Variants in SNAP25 observed in about 807,000 individuals in gnomAD.
The protein encoded by SNAP25 is synaptosome associated protein 25.
Under a neutral mutation model 28.7 loss-of-function variants are expected in SNAP25, and 3 were observed. That is an observed-to-expected ratio of 0.10 (90% CI 0.05 to 0.27). The LOEUF is 0.27. Ranked by LOEUF, SNAP25 falls within the 10% of genes least tolerant of loss-of-function variation. The probability of loss-of-function intolerance (pLI) is 1.00; values close to 1 mark genes in which losing one functional copy is unlikely to be tolerated. For synonymous variants in SNAP25, 61 were observed against 88.1 expected (o/e 0.69, Z 1.72); for missense variants, 117 against 278.7 (o/e 0.42, Z 4.13).
chr20:10,233,555 G>C (rs539554064), intron 1 of SNAP25, among the ~76,000 whole-genome samples: 114 of 152,236 alleles, frequency 7.5e-4, no homozygotes, highest in African/African-American at 2.6e-3. Context: ...AGTTGTCTCT[G>C]GTCCATTGAG....
chr20:10,285,204 T>G (rs1390014543), intron 4 of SNAP25, among the ~76,000 whole-genome samples: 1 of 152,204 alleles, frequency 6.6e-6, no homozygotes, highest in Non-Finnish European at 1.5e-5. Flanking sequence ...CAACTCAGTA[T>G]CTAGTAGTTT....
In SNAP25 at chr20:10,255,494, C is replaced by G. The variant is rs191549683; in HGVS notation, c.-63-19935C>G. Among the ~76,000 whole-genome samples the G allele has an allele frequency of 7.2e-5, 11 of 152,280 alleles. No homozygotes were observed. The East Asian group carries it at 1.9e-3, about 27-fold the overall frequency. ...ACACAATTTATTTCCTCTGCCAACT[C>G]AGGGTTCTGGGGTGGGAATTCACTG... is the stretch of plus-strand genomic sequence containing the variant. On this transcript the variant is annotated intron_variant, in intron 1 of 7. Transcript: ENST00000254976.
chr20:10,272,054 A>G (rs2063604529), intron 1 of SNAP25, among the ~76,000 whole-genome samples: 1 of 152,104 alleles, frequency 6.6e-6, no homozygotes, highest in South Asian at 2.1e-4. Flanking sequence ...CCCTGGTTTC[A>G]AGCTTCCATG....
At chr20:10,274,424 T>C (rs994832050) in intron 1 of SNAP25, among the ~76,000 whole-genome samples, 1 of 152,154 alleles carries the variant, frequency 6.6e-6, no homozygotes, top group Admixed American at 6.5e-5. Flanking sequence ...TATTAATACA[T>C]GCTGCAACAT....
chr20:10,279,405 C>T (rs963571676), intron 3 of SNAP25, among the ~76,000 whole-genome samples: 1 of 152,086 alleles, frequency 6.6e-6, no homozygotes, highest in African/African-American at 2.4e-5. Flanking sequence ...TTTTTGGTTA[C>T]GTGTGTGCAC....
intron 1 of SNAP25, among the ~76,000 whole-genome samples, chr20:10,274,639 C>T (rs1252058868): frequency 2.0e-5 from 3 of 152,060 alleles, no homozygotes; most frequent in African/African-American, 4.8e-5. Context: ...GTCAGGAGAT[C>T]GAGACCATCC....
At position 10,293,554 on chromosome 20, in the gene SNAP25, G is replaced by A. The variant is rs2064043484; in HGVS notation, c.281+276G>A. Among the ~76,000 whole-genome samples, 1 of 152,234 alleles carries A rather than the reference G, an allele frequency of 6.6e-6. No individual in the cohort carries two copies. Among genetic ancestry groups the A allele is most frequent in the Non-Finnish European group, 1.5e-5 (1 of 68,042 alleles). On this transcript the variant is annotated intron_variant, in intron 5 of 7. Transcript: ENST00000254976. The surrounding 1 kb of genome is among the most constrained non-coding windows in gnomAD (Gnocchi z 5.6). ...TTTCCAGAAAGTGTACCTTGAGACA[G>A]AGGCTAGCCTCAAGAAAGAGGCACC...
At chr20:10,303,604 GT>G (rs1052288627) in intron 7 of SNAP25, among the ~76,000 whole-genome samples, 15 of 152,284 alleles carry the variant, frequency 9.9e-5, no homozygotes, top group African/African-American at 3.4e-4. Context: ...GAGAAAAACA[GT>G]TTGGTTTCCC....
At chr20:10,301,675 G>C (rs997978250) in intron 7 of SNAP25, among the ~76,000 whole-genome samples, 2 of 151,752 alleles carry the variant, frequency 1.3e-5, no homozygotes, top group African/African-American at 4.8e-5. Context: ...CCTTTACCCA[G>C]CTCTATCAAT....
chr20:10,240,977 A>T lies in SNAP25; in HGVS notation c.-64+22000A>T, dbSNP rs77304599. 5.8e-3 allele frequency among the ~76,000 whole-genome samples: 887 copies of T among 152,212 alleles called. 8 individuals are homozygous for T. Among genetic ancestry groups the T allele is most frequent in the African/African-American group, 0.02 (820 of 41,546 alleles). On this transcript the variant is annotated intron_variant, in intron 1 of 7. Coordinates refer to ENST00000254976, the MANE Select transcript of SNAP25 (RefSeq NM_130811.4). ...GGGGTCCCTGACATGAGCTGGAGAA[A>T]AGCCTCTGTGAAGCAGCTGCCAGGG...
intron 1 of SNAP25, among the ~76,000 whole-genome samples, chr20:10,223,266 T>C (rs2062667197): frequency 6.6e-6 from 1 of 152,174 alleles, no homozygotes; most frequent in Non-Finnish European, 1.5e-5. Context: ...TTACACCCAT[T>C]TCCTTTCTAA....
chr20:10,287,433 GAA>G, intron 4 of SNAP25, among the ~76,000 whole-genome samples: 1 of 151,798 alleles, frequency 6.6e-6, no homozygotes, highest in African/African-American at 2.4e-5. Context: ...GGCTATCAGA[GAA>G]ATGCAAATCA....
chr20:10,261,696 G>A (rs962596905), intron 1 of SNAP25, among the ~76,000 whole-genome samples: 13 of 152,196 alleles, frequency 8.5e-5, no homozygotes, highest in East Asian at 1.9e-4. Flanking sequence ...TGAAAGGTGC[G>A]TTAAAATCAA....
At chr20:10,271,919 C>G (rs905263166) in intron 1 of SNAP25, among the ~76,000 whole-genome samples, 5 of 152,144 alleles carry the variant, frequency 3.3e-5, no homozygotes, top group East Asian at 1.9e-4. Context: ...ATTTCCCCCC[C>G]AGGAACCCAG....
At chr20:10,219,643 C>T (rs1293453289) in intron 1 of SNAP25, 4 of 152,218 alleles carry the variant, frequency 2.6e-5, no homozygotes, top group African/African-American at 9.6e-5. Context: ...GATAGCAACA[C>T]CGAGGGCTCG....
intron 1 of SNAP25, among the ~76,000 whole-genome samples, chr20:10,240,739 A>G (rs755491436): frequency 1.3e-5 from 2 of 152,016 alleles, no homozygotes; most frequent in African/African-American, 2.4e-5. Context: ...AGACCCATCC[A>G]CCTGCCTGAG....
At chr20:10,286,873 A>C (rs1407296750) in intron 4 of SNAP25, among the ~76,000 whole-genome samples, 1 of 152,182 alleles carries the variant, frequency 6.6e-6, no homozygotes, top group African/African-American at 2.4e-5. Context: ...GTAGCAATGG[A>C]AGTCTTAAGA....
At chr20:10,292,281 T>G (rs536357269) in intron 4 of SNAP25, among the ~76,000 whole-genome samples, 1 of 152,310 alleles carries the variant, frequency 6.6e-6, no homozygotes, top group South Asian at 2.1e-4. Context: ...GATGTTACTC[T>G]TTTTTTAAAA....
intron 1 of SNAP25, among the ~76,000 whole-genome samples, chr20:10,251,050 C>T (rs895908261): frequency 3.3e-5 from 5 of 152,242 alleles, no homozygotes; most frequent in South Asian, 2.1e-4. Context: ...CGTTAAGTGA[C>T]GCATGACTGT....
Sources: gnomAD v4.1 joint callset for allele counts (sites outside exome capture counted in the v4.1 genomes callset) on GRCh38, gnomAD v4.1.1 for gene constraint, Gnocchi (gnomAD v3.1) non-coding constraint, MANE v1.5 for transcripts, NCBI Gene and HGNC (gene_info 2026-07-23, HGNC 2026-07-21) for gene names.